Variants in HSD17B12 observed in about 807,000 individuals in gnomAD.
HSD17B12 encodes the protein very-long-chain 3-oxoacyl-CoA reductase.
HSD17B12 carries 32 observed loss-of-function variants against 39.3 expected under a neutral mutation model. That is an observed-to-expected ratio of 0.81 (90% confidence interval 0.61 to 1.09). The LOEUF is 1.09. Among genes scored for constraint, HSD17B12 ranks in the 50% least tolerant of loss-of-function variants. The pLI, the probability that HSD17B12 is intolerant of heterozygous loss-of-function variation, is 0.00. For missense variants in HSD17B12, 342 were observed against 382.9 expected (o/e 0.89, Z 0.89); for synonymous variants, 150 against 146.7 (o/e 1.02, Z -0.16).
the HSD17B12 span, among the ~76,000 whole-genome samples, chr11:43,601,796 G>A: frequency 6.6e-6 from 1 of 152,166 alleles, no homozygotes; most frequent in Non-Finnish European, 1.5e-5. Flanking sequence ...GCTTCCCAGT[G>A]AAGAAGAAAA....
chr11:43,829,027 A>G (rs181775891), intron 6 of HSD17B12, among the ~76,000 whole-genome samples: 19 of 152,370 alleles, frequency 1.2e-4, no homozygotes, highest in African/African-American at 4.6e-4. Context: ...TGATAAAAGC[A>G]TGCAGATTTC....
chr11:43,776,180 C>T (rs1367987412), intron 3 of HSD17B12, among the ~76,000 whole-genome samples: 1 of 152,134 alleles, frequency 6.6e-6, no homozygotes. Context: ...GGAATCGCCA[C>T]ACTGACTTCC....
chr11:43,611,959 A>G, the HSD17B12 span, among the ~76,000 whole-genome samples: 2 of 152,192 alleles, frequency 1.3e-5, no homozygotes, highest in African/African-American at 4.8e-5. Context: ...TTGGACTTAT[A>G]GTAGGTTCTC....
intron 4 of HSD17B12, among the ~76,000 whole-genome samples, chr11:43,812,840 G>GTTTGTT (rs1951085734): frequency 6.6e-6 from 1 of 151,954 alleles, no homozygotes; most frequent in African/African-American, 2.4e-5. Context: ...ACTCTCTATT[G>GTTTGTT]TTTGTTTTTG....
intron 6 of HSD17B12, among the ~76,000 whole-genome samples, chr11:43,819,695 C>T (rs1364057048): frequency 6.6e-6 from 1 of 152,156 alleles, no homozygotes; most frequent in African/African-American, 2.4e-5. Flanking sequence ...TTAGTGGAGA[C>T]AAATGCTAAT....
intron 3 of HSD17B12, among the ~76,000 whole-genome samples, chr11:43,780,600 A>G (rs1208663232): frequency 6.6e-6 from 1 of 152,208 alleles, no homozygotes; most frequent in Non-Finnish European, 1.5e-5. Context: ...TAGTCTTTCT[A>G]AGGAAAATGT....
the HSD17B12 span, among the ~76,000 whole-genome samples, chr11:43,597,193 G>A: frequency 4.6e-5 from 7 of 152,198 alleles, no homozygotes; most frequent in African/African-American, 1.7e-4. Context: ...CATTCCCATG[G>A]GTGGTCAGTG....
chr11:43,645,600 C>A, the HSD17B12 span: 1 of 152,086 alleles, frequency 6.6e-6, no homozygotes, highest in African/African-American at 2.4e-5. Flanking sequence ...CTAAATAAAC[C>A]ACTTTCATAT....
At chr11:43,688,421 A>G (rs528188292) in intron 1 of HSD17B12, among the ~76,000 whole-genome samples, 2 of 152,156 alleles carry the variant, frequency 1.3e-5, no homozygotes, top group South Asian at 2.1e-4. Context: ...TTGCGTTGTC[A>G]TGGTAACTCC....
Position 43,855,421 on chromosome 11 carries a change from A to G in HSD17B12, c.*173A>G. 2.4e-6 allele frequency: 1 copy of G among 421,040 alleles called. No homozygotes were observed. The highest frequency in any genetic ancestry group is 4.2e-6 in the Non-Finnish European group (1 of 238,098). 26.1% of individuals were successfully genotyped at this position (421,040 alleles called of 1,614,324 possible). On this transcript the variant is annotated 3_prime_UTR_variant, in exon 11 of 11. Coordinates refer to ENST00000278353, the MANE Select transcript of HSD17B12 (RefSeq NM_016142.3). The stretch of plus-strand genomic sequence containing the variant: ...AGTTGCTTTTAGGGGTTTCTGACAT[A>G]TATTCTGGATACTATCCGAGGTAAT...
the HSD17B12 span, among the ~76,000 whole-genome samples, chr11:43,674,685 A>G: frequency 6.6e-6 from 1 of 152,186 alleles, no homozygotes; most frequent in East Asian, 1.9e-4. Context: ...ATTATTGCCT[A>G]TTTAATTTTA....
At chr11:43,593,708 T>C in the HSD17B12 span, among the ~76,000 whole-genome samples, 3 of 152,072 alleles carry the variant, frequency 2.0e-5, no homozygotes, top group African/African-American at 7.2e-5. Context: ...CATTATTTAC[T>C]GATGATTTTG....
chr11:43,720,916 C>A (rs1256099331), intron 1 of HSD17B12, among the ~76,000 whole-genome samples: 3 of 152,008 alleles, frequency 2.0e-5, no homozygotes, highest in Admixed American at 6.6e-5. Context: ...TATATCAGGT[C>A]TCTCTTGAAA....
At chr11:43,715,680 G>T (rs942652730) in intron 1 of HSD17B12, among the ~76,000 whole-genome samples, 3 of 152,108 alleles carry the variant, frequency 2.0e-5, no homozygotes, top group Non-Finnish European at 2.9e-5. Context: ...CTATTGATTG[G>T]AATAGTTTCA....
chr11:43,612,657 C>T, the HSD17B12 span, among the ~76,000 whole-genome samples: 10 of 152,166 alleles, frequency 6.6e-5, no homozygotes, highest in Admixed American at 2.6e-4. Flanking sequence ...TCACCCACCT[C>T]GGCCTCCCAA....
intron 1 of HSD17B12, among the ~76,000 whole-genome samples, chr11:43,721,713 G>A (rs1004430974): frequency 5.9e-5 from 9 of 152,150 alleles, no homozygotes; most frequent in Admixed American, 1.3e-4. Flanking sequence ...AGGCAAAGCC[G>A]AGAGTATAAG....
At chr11:43,615,093 G>A in the HSD17B12 span, among the ~76,000 whole-genome samples, 15 of 152,202 alleles carry the variant, frequency 9.9e-5, no homozygotes, top group East Asian at 1.9e-4. Context: ...TTTGAAGAGC[G>A]TTGAGTTTTA....
the HSD17B12 span, among the ~76,000 whole-genome samples, chr11:43,559,238 G>T: frequency 6.6e-6 from 1 of 152,112 alleles, no homozygotes; most frequent in Non-Finnish European, 1.5e-5. Flanking sequence ...TGTGGGGGAA[G>T]TGGTTACAAG....
chr11:43,814,257 G>A (rs575268019), intron 4 of HSD17B12, among the ~76,000 whole-genome samples: 1 of 151,906 alleles, frequency 6.6e-6, no homozygotes, highest in Admixed American at 6.6e-5. Context: ...AATTTCACGA[G>A]TTTGAATCCC....
Sources: gnomAD v4.1 joint callset for allele counts (sites outside exome capture counted in the v4.1 genomes callset) on GRCh38, gnomAD v4.1.1 for gene constraint, MANE v1.5 for transcripts, NCBI Gene and HGNC (gene_info 2026-07-23, HGNC 2026-07-21) for gene names.